Variants in PAK1 observed in about 807,000 individuals in gnomAD.
The protein encoded by PAK1 is serine/threonine-protein kinase PAK 1.
Under a neutral mutation model 67.4 loss-of-function variants are expected in PAK1, and 29 were observed. That is an observed-to-expected ratio of 0.43 (90% CI 0.32 to 0.59). PAK1 has a LOEUF of 0.59. Ranked by LOEUF, PAK1 falls within the 20% of genes least tolerant of loss-of-function variation. The probability of loss-of-function intolerance (pLI) is 0.07; values close to 1 mark genes in which losing one functional copy is unlikely to be tolerated. For synonymous variants in PAK1, 223 were observed against 237.4 expected (o/e 0.94, Z 0.56); for missense variants, 337 against 670.7 (o/e 0.50, Z 5.50).
chr11:77,387,030 T>C (rs1950531661), intron 2 of PAK1, among the ~76,000 whole-genome samples: 1 of 150,806 alleles, frequency 6.6e-6, no homozygotes. Context: ...CGCCTTGGCC[T>C]CCCAAAGTGC....
chr11:77,416,830 A>G (rs1252454050), intron 1 of PAK1, among the ~76,000 whole-genome samples: 2 of 152,080 alleles, frequency 1.3e-5, no homozygotes, highest in African/African-American at 2.4e-5. Flanking sequence ...GCGGGCGCCT[A>G]TAGTCCCAGC....
chr11:77,323,270 G>A lies in PAK1; in HGVS notation c.*4C>T, dbSNP rs1375635327. On this transcript the variant is annotated 3_prime_UTR_variant, in exon 15 of 15. Transcript: ENST00000356341. ...GGCACAATGAGGCTGGGGTGAGTGT[G>A]GTTTTAGTGATTGTTCTTTGTTGCC... is the stretch of plus-strand genomic sequence containing the variant. 1.9e-6 allele frequency: 3 copies of A among 1,613,698 alleles called. No individual in the cohort carries two copies. Among genetic ancestry groups the A allele is most frequent in the Non-Finnish European group, 2.5e-6 (3 of 1,179,646 alleles).
chr11:77,332,091 C>A (rs1941678905), intron 14 of PAK1, among the ~76,000 whole-genome samples: 1 of 151,178 alleles, frequency 6.6e-6, no homozygotes. Context: ...TCGCTTGAAC[C>A]CAGGAATTTG....
chr11:77,324,371 C>T (rs1340687543), intron 14 of PAK1, among the ~76,000 whole-genome samples: 2 of 151,966 alleles, frequency 1.3e-5, no homozygotes, highest in Non-Finnish European at 2.9e-5. Context: ...CGGGGTTTTG[C>T]CATACTGTCC....
chr11:77,465,770 C>A lies in PAK1; in HGVS notation c.-22+7782G>T, dbSNP rs746249652. 3.3e-5 allele frequency among the ~76,000 whole-genome samples: 5 copies of A among 151,936 alleles called. No homozygotes were observed. The South Asian group carries it at 6.2e-4, about 19-fold the overall frequency. On this transcript the variant is annotated intron_variant, in intron 1 of 14. Coordinates refer to ENST00000356341, the MANE Select transcript of PAK1 (RefSeq NM_002576.5). Reference sequence around the variant, plus strand: ...CTTGAGTCCAGCCTGGGCAACACGGCAAAACCCTGTCTCTACAAAAAATAC... The same window carrying A: ...CTTGAGTCCAGCCTGGGCAACACGGAAAAACCCTGTCTCTACAAAAAATAC...
chr11:77,529,746 A>G, the PAK1 span, among the ~76,000 whole-genome samples: 1 of 152,230 alleles, frequency 6.6e-6, no homozygotes, highest in African/African-American at 2.4e-5. Context: ...AGCAGAAAGT[A>G]AGGGGAGGGC....
chr11:77,336,752 A>G (rs1373367301), intron 12 of PAK1, among the ~76,000 whole-genome samples: 1 of 152,086 alleles, frequency 6.6e-6, no homozygotes, highest in Non-Finnish European at 1.5e-5. Context: ...GTCCTTCCAT[A>G]AACTGCCCAT....
intron 1 of PAK1, among the ~76,000 whole-genome samples, chr11:77,466,297 T>C (rs778332770): frequency 6.6e-6 from 1 of 152,110 alleles, no homozygotes; most frequent in Non-Finnish European, 1.5e-5. Context: ...GGTTACACAG[T>C]AATAATTTTT....
At chr11:77,340,966 A>G (rs1379121182) in intron 10 of PAK1, among the ~76,000 whole-genome samples, 1 of 152,224 alleles carries the variant, frequency 6.6e-6, no homozygotes, top group Admixed American at 6.5e-5. Context: ...TCCTGGAGAA[A>G]ACCAAGTATA....
At chr11:77,421,232 C>T (rs1015159547) in intron 1 of PAK1, among the ~76,000 whole-genome samples, 5 of 152,180 alleles carry the variant, frequency 3.3e-5, no homozygotes, top group African/African-American at 7.2e-5. Context: ...AGGCTTTCTC[C>T]GACAGGCTAT....
At chr11:77,397,194 G>A (rs1299685440) in intron 1 of PAK1, 1 of 152,242 alleles carries the variant, frequency 6.6e-6, no homozygotes, top group African/African-American at 2.4e-5. Context: ...CAGAGAGAAA[G>A]ACAGAGCGAT....
intron 1 of PAK1, among the ~76,000 whole-genome samples, chr11:77,410,714 G>C (rs753007451): frequency 6.6e-6 from 1 of 151,692 alleles, no homozygotes; most frequent in Non-Finnish European, 1.5e-5. Flanking sequence ...CAGGAAAAAT[G>C]ATCAGGAGGA....
intron 1 of PAK1, among the ~76,000 whole-genome samples, chr11:77,446,413 G>A (rs1007394865): frequency 6.7e-6 from 1 of 150,242 alleles, no homozygotes; most frequent in Non-Finnish European, 1.5e-5. Flanking sequence ...TCAGGAGGCT[G>A]AGCCATGAGA....
intron 1 of PAK1, among the ~76,000 whole-genome samples, chr11:77,426,657 G>C (rs551748954): frequency 1.1e-4 from 16 of 152,162 alleles, no homozygotes; most frequent in Non-Finnish European, 1.6e-4. Context: ...CTTAAATTGG[G>C]AACATTCTAC....
intron 1 of PAK1, among the ~76,000 whole-genome samples, chr11:77,447,148 T>C (rs951187082): frequency 5.9e-5 from 9 of 152,316 alleles, no homozygotes; most frequent in Middle Eastern, 3.4e-3. Flanking sequence ...TAAAAGAATA[T>C]AGGATGAATC....
intron 1 of PAK1, among the ~76,000 whole-genome samples, chr11:77,419,073 T>C (rs1464293387): frequency 1.3e-5 from 2 of 152,242 alleles, no homozygotes; most frequent in African/African-American, 2.4e-5. Context: ...GCTAATACAC[T>C]GTCTCTCTCT....
At chr11:77,393,521 TCCAGGTC>T (rs1951434423) in intron 1 of PAK1, among the ~76,000 whole-genome samples, 1 of 151,984 alleles carries the variant, frequency 6.6e-6, no homozygotes, top group East Asian at 1.9e-4. Flanking sequence ...GGTCTCAAAC[TCCAGGTC>T]TCAATCAATC....
At chr11:77,331,177 A>T (rs1941418830) in intron 14 of PAK1, among the ~76,000 whole-genome samples, 2 of 152,358 alleles carry the variant, frequency 1.3e-5, no homozygotes, top group Middle Eastern at 3.4e-3. Context: ...ACACTTTTAC[A>T]CTGTTGGTGG....
the PAK1 span, among the ~76,000 whole-genome samples, chr11:77,522,735 A>C: frequency 2.0e-5 from 3 of 152,236 alleles, no homozygotes; most frequent in African/African-American, 4.8e-5. Flanking sequence ...TATCCAAAGG[A>C]AAATTAATTA....
Sources: allele counts gnomAD v4.1 joint callset (sites outside exome capture counted in the v4.1 genomes callset), GRCh38; gene constraint gnomAD v4.1.1; transcripts MANE v1.5; gene names NCBI Gene and HGNC (gene_info 2026-07-23, HGNC 2026-07-21).